Variants in LIPE observed in about 807,000 individuals in gnomAD.
LIPE encodes hormone-sensitive lipase.
Under a neutral mutation model 88.5 loss-of-function variants are expected in LIPE, and 66 were observed. That is an observed-to-expected ratio of 0.75 (90% CI 0.61 to 0.91). LIPE has a LOEUF of 0.91. Among genes scored for constraint, LIPE ranks in the 40% least tolerant of loss-of-function variants. LIPE has a pLI of 0.00. For missense variants in LIPE, 1,346 were observed against 1,434.7 expected, an observed-to-expected ratio of 0.94 and a Z score of 1.00; for synonymous variants, 570 against 617.5, an observed-to-expected ratio of 0.92 and a Z score of 1.14.
chr19:42,401,840 A>ACCCCCCCCCC lies in LIPE; in HGVS notation c.3202_3203insGGGGGGGGGG (p.Val1068GlyfsTer26). The ACCCCCCCCCC allele has an allele frequency of 6.9e-7, 1 of 1,453,912 alleles. No individual in the cohort carries two copies. The highest frequency in any genetic ancestry group is 9.1e-7 in the Non-Finnish European group (1 of 1,102,262). 90.1% of individuals were successfully genotyped at this position (1,453,912 alleles called of 1,614,324 possible). ...GTGTCGCCCCCCGCAGCCCCCGTCT[A>ACCCCCCCCCC]CCCCCGCAGCCCCCGTCTCCCCGCT... is the stretch of plus-strand genomic sequence containing the variant. On this transcript the variant is annotated frameshift_variant, in exon 10 of 10. Coordinates refer to ENST00000244289, the MANE Select transcript of LIPE (RefSeq NM_005357.4). LOFTEE classifies it high-confidence loss of function.
In LIPE at chr19:42,426,559, C is replaced by G. The variant is rs2147682273; in HGVS notation, c.591G>C (p.Lys197Asn). Residue 197 changes from lysine (K) to asparagine (N), a missense_variant, in exon 1 of 10, where the codon AAG (lysine) becomes AAC (asparagine). Physicochemically the swap from Lys to Asn is moderately conservative, Grantham distance 94. Transcript: ENST00000244289. ...QTTPVQGAKS[K>N]QGSLTELGFL... ...ATCCCAGCTCTGTCAAAGATCCCTG[C>G]TTGGATTTGGCTCCCTGGACTGGCG... is the stretch of plus-strand genomic sequence containing the variant. 6.2e-7 allele frequency: 1 copy of G among 1,614,206 alleles called. No homozygotes were observed. Among genetic ancestry groups the G allele is most frequent in the African/African-American group, 1.3e-5 (1 of 75,044 alleles).
chr19:42,423,280 G>T, intron 1 of LIPE: 1 of 525,092 alleles, frequency 1.9e-6, no homozygotes, highest in Non-Finnish European at 3.0e-6. Flanking sequence ...GGATCATCCC[G>T]TTGTCCCCGC....
chr19:42,411,172 T>G (rs1439995967), intron 1 of LIPE: 2 of 324,990 alleles, frequency 6.2e-6, no homozygotes, highest in Non-Finnish European at 8.8e-6. Flanking sequence ...GAGCCCCTGC[T>G]ATCACCTCTT....
intron 1 of LIPE, chr19:42,423,323 A>G: frequency 1.0e-6 from 1 of 965,348 alleles, no homozygotes; most frequent in Admixed American, 2.7e-5. Context: ...GGACCCCCCC[A>G]ACTCCCTGTG....
At position 42,401,589 on chromosome 19, in the gene LIPE, C is replaced by A; in HGVS notation, c.*223G>T. 1 of 511,800 alleles carries A rather than the reference C, an allele frequency of 2.0e-6. No individual in the cohort carries two copies. The highest frequency in any genetic ancestry group is 3.4e-6 in the Non-Finnish European group (1 of 293,612). 31.7% of individuals were successfully genotyped at this position (511,800 alleles called of 1,614,324 possible). A position where few individuals can be genotyped will look rare whatever the true frequency, so the allele number is the denominator to read the frequency against. On this transcript the variant is annotated 3_prime_UTR_variant, in exon 10 of 10. Coordinates refer to ENST00000244289, the MANE Select transcript of LIPE (RefSeq NM_005357.4). Reference sequence around the variant, plus strand: ...CCAGTCCCCGTCCCTGCGGCGGTCGCCGCAGCAGCAGCAGCAAAAGGCAGC... The same window carrying A: ...CCAGTCCCCGTCCCTGCGGCGGTCGACGCAGCAGCAGCAGCAAAAGGCAGC...
chr19:42,426,446 T>G lies in LIPE; in HGVS notation c.704A>C (p.Glu235Ala). The change falls in exon 1 of 10, where the codon GAA (glutamate) becomes GCA (alanine). Residue 235 changes from glutamate to alanine, a missense_variant. Physicochemically the swap from Glu to Ala is moderately radical, Grantham distance 107. Coordinates refer to ENST00000244289, the MANE Select transcript of LIPE (RefSeq NM_005357.4). Reference protein sequence around the residue: ...LSEWVTDSESESDVGSSSDTD... With the variant: ...LSEWVTDSESASDVGSSSDTD... ...GTCTGAAGATGATCCCACATCTGAT[T>G]CTGACTCAGAATCTGTGACCCACTC... 5 of 1,614,078 alleles carry G rather than the reference T, an allele frequency of 3.1e-6. No individual in the cohort carries two copies. Among genetic ancestry groups the G allele is most frequent in the Non-Finnish European group, 4.2e-6 (5 of 1,179,922 alleles).
At position 42,401,829 on chromosome 19, in the gene LIPE, A is replaced by G; in HGVS notation, c.3214T>C (p.Cys1072Arg). 2 of 457,546 alleles carry G rather than the reference A, an allele frequency of 4.4e-6. No homozygotes were observed. The highest frequency in any genetic ancestry group is 7.1e-6 in the Non-Finnish European group (2 of 283,238). The allele number at this position is 457,546 out of a possible 1,614,324, so 28.3% of individuals were successfully genotyped here. A position where few individuals can be genotyped will look rare whatever the true frequency, so the allele number is the denominator to read the frequency against. ...ETGAAGVDGGCGGRH is the reference protein window; with the variant it reads ...ETGAAGVDGGRGGRH ...ACAGGCTTTTAGTGTCGCCCCCCGC[A>G]GCCCCCGTCTACCCCCGCAGCCCCC... The change falls in exon 10 of 10, where the codon TGC becomes CGC. Residue 1072 changes from cysteine (C) to arginine (R), a missense_variant. By Grantham distance (180) the Cys-to-Arg change is radical. Coordinates refer to ENST00000244289, the MANE Select transcript of LIPE (RefSeq NM_005357.4).
Position 42,426,485 on chromosome 19 carries a change from C to G in LIPE, c.665G>C (p.Trp222Ser). The change falls in exon 1 of 10, where the codon TGG (tryptophan) becomes TCG (serine). Residue 222 changes from tryptophan to serine, a missense_variant. Coordinates refer to ENST00000244289, the MANE Select transcript of LIPE (RefSeq NM_005357.4). ...TGTGACCCACTCAGAAAGTGCCTTC[C>G]ACTCTAGGGCTGATCGCTGTATGGA... The part of the protein sequence containing the change: ...ELSIQRSALE[W>S]KALSEWVTDS... 6.2e-7 allele frequency: 1 copy of G among 1,614,124 alleles called. No homozygotes were observed. The highest frequency in any genetic ancestry group is 8.5e-7 in the Non-Finnish European group (1 of 1,179,982).
At chr19:42,403,459 T>G (rs999775495) in intron 8 of LIPE, among the ~76,000 whole-genome samples, 2 of 151,654 alleles carry the variant, frequency 1.3e-5, no homozygotes, top group Non-Finnish European at 2.9e-5. Context: ...TTTGTTTTTT[T>G]TTTTTTGAGA....
Position 42,407,569 on chromosome 19 carries a change from GCT to G in LIPE, c.1842+35_1842+36del. On this transcript the variant is annotated intron_variant, in intron 5 of 9. Coordinates refer to ENST00000244289, the MANE Select transcript of LIPE (RefSeq NM_005357.4). The surrounding 1 kb of genome is among the most constrained non-coding windows in gnomAD (Gnocchi z 5.8). ...AGGTGGGGGCTGCCCACGCTCCTCG[GCT>G]CTGTCCCTGTCCCTGGCTGAGGCTG... 4 of 1,586,010 alleles carry G rather than the reference GCT, an allele frequency of 2.5e-6. No individual in the cohort carries two copies. In the South Asian group the frequency reaches 4.6e-5, roughly 18 times the overall value.
chr19:42,403,185 G>T, intron 8 of LIPE, 154 bp from the exon 9 acceptor site: 1 of 708,662 alleles, frequency 1.4e-6, no homozygotes. Context: ...AGTTCCAGAT[G>T]CCCCAGGTGG....
Position 42,408,058 on chromosome 19 carries a change from G to A in LIPE, c.1574C>T (p.Ala525Val). Residue 525 changes from alanine to valine, a missense_variant, in exon 4 of 10, where the codon GCT (alanine) becomes GTT (valine). Physicochemically the swap from Ala to Val is moderately conservative, Grantham distance 64. Coordinates refer to ENST00000244289, the MANE Select transcript of LIPE (RefSeq NM_005357.4). The surrounding 1 kb of genome is among the most constrained non-coding windows in gnomAD (Gnocchi z 4.3). The stretch of plus-strand genomic sequence containing the variant: ...GTTCTGTGTGATCCGCTCAAACTCA[G>A]CCCCACGCAGCTCGGGGTCGATGGC... ...RFAIDPELRG[A>V]EFERITQNLD... 6.2e-7 allele frequency: 1 copy of A among 1,613,872 alleles called. No homozygotes were observed. Among genetic ancestry groups the A allele is most frequent in the South Asian group, 1.1e-5 (1 of 91,072 alleles).
intron 1 of LIPE, chr19:42,424,337 C>G: frequency 2.2e-6 from 1 of 457,262 alleles, no homozygotes; most frequent in South Asian, 1.5e-5. Context: ...TCGAGGCTTG[C>G]TCACACGCAC....
chr19:42,407,440 T>G lies in LIPE; in HGVS notation c.1871A>C (p.Lys624Thr). 1 of 1,613,188 alleles carries G rather than the reference T, an allele frequency of 6.2e-7. No individual in the cohort carries two copies. Among genetic ancestry groups the G allele is most frequent in the Non-Finnish European group, 8.5e-7 (1 of 1,179,476 alleles). ...QDSEELSSLIKSNGQRSLELW... is the reference protein window; with the variant it reads ...QDSEELSSLITSNGQRSLELW... Reference sequence around the variant, plus strand: ...CTCCAGGCTCCGTTGGCCGTTGGACTTTATCAGGCTGCTGAGCTCCTCACT... The same window carrying G: ...CTCCAGGCTCCGTTGGCCGTTGGACGTTATCAGGCTGCTGAGCTCCTCACT... Residue 624 changes from lysine (K) to threonine (T), a missense_variant, in exon 6 of 10, where the codon AAG (lysine) becomes ACG (threonine). Physicochemically the swap from Lys to Thr is moderately conservative, Grantham distance 78 (BLOSUM62 -1). Coordinates refer to ENST00000244289, the MANE Select transcript of LIPE (RefSeq NM_005357.4). This position sits in a 1 kb window ranked among gnomAD's most constrained non-coding sequence, Gnocchi z 5.8.
chr19:42,419,819 C>G (rs928754630), intron 1 of LIPE, among the ~76,000 whole-genome samples: 2 of 151,918 alleles, frequency 1.3e-5, no homozygotes, highest in African/African-American at 4.8e-5. Flanking sequence ...GCTGGATCCC[C>G]GAGAGTGTGT....
chr19:42,402,760 A>G lies in LIPE; in HGVS notation c.2814T>C (p.Arg938=). 6.3e-7 allele frequency: 1 copy of G among 1,586,380 alleles called. No homozygotes were observed. Among genetic ancestry groups the G allele is most frequent in the Non-Finnish European group, 8.6e-7 (1 of 1,160,924 alleles). The change falls in exon 9 of 10, where the codon CGT becomes CGC. Residue 938 remains arginine, a synonymous_variant. Coordinates refer to ENST00000244289, the MANE Select transcript of LIPE (RefSeq NM_005357.4). ...LSPMDRGLGV[R]AAFPEGFHPR... ...GGTGGAAACCCTCGGGGAAGGCGGC[A>G]CGGACGCCCAGGCCTCTGTCCATGG...
intron 1 of LIPE, chr19:42,423,974 G>A: frequency 8.6e-7 from 1 of 1,168,394 alleles, no homozygotes; most frequent in South Asian, 1.7e-5. Flanking sequence ...CTTTTGAAGG[G>A]GGAAAGTGGG....
rs2040724578 is a variant in LIPE at position 42,427,209 on chromosome 19, C to T, written c.-60G>A. 6.6e-7 allele frequency: 1 copy of T among 1,511,552 alleles called. No individual in the cohort carries two copies. Among genetic ancestry groups the T allele is most frequent in the Admixed American group, 2.4e-5 (1 of 42,410 alleles). The allele number at this position is 1,511,552 out of a possible 1,614,324, so 93.6% of individuals were successfully genotyped here. On this transcript the variant is annotated 5_prime_UTR_variant, in exon 1 of 10. Transcript: ENST00000244289. ...GGTTCTATCCTTCTGGGCTCCCACC[C>T]AGCCCTCTCTCTTCACAGATCTCTC...
At chr19:42,404,888 T>C (rs1390443026) in intron 8 of LIPE, among the ~76,000 whole-genome samples, 1 of 152,152 alleles carries the variant, frequency 6.6e-6, no homozygotes, top group Admixed American at 6.5e-5. Flanking sequence ...TTTTTTTTTT[T>C]GAGACAAGGT....
Sources: gnomAD v4.1 joint callset for allele counts (sites outside exome capture counted in the v4.1 genomes callset) on GRCh38, gnomAD v4.1.1 for gene constraint, Gnocchi (gnomAD v3.1) non-coding constraint, MANE v1.5 for transcripts, NCBI Gene and HGNC (gene_info 2026-07-23, HGNC 2026-07-21) for gene names.